CTDNEP1: variants seen among roughly 807,000 people sequenced by gnomAD.
The protein encoded by CTDNEP1 is C-terminal domain nuclear envelope phosphatase 1.
A neutral mutation model predicts 30.1 loss-of-function variants in CTDNEP1; 3 were observed. The ratio of observed to expected loss-of-function variants is 0.10; its 90% CI spans 0.05 to 0.26. CTDNEP1 has a LOEUF of 0.26. CTDNEP1 is among the 10% of genes least tolerant of loss of function. The pLI, the probability that CTDNEP1 is intolerant of heterozygous loss-of-function variation, is 1.00. For missense variants in CTDNEP1, 158 were observed against 310.4 expected (o/e 0.51, Z 3.69); for synonymous variants, 123 against 118.8 (o/e 1.04, Z -0.23).
chr17:7,244,206 A>G lies in CTDNEP1; in HGVS notation c.714T>C (p.Leu238=). The change falls in exon 8 of 8, where the codon CTT becomes CTC. Residue 238 remains leucine, a synonymous_variant. Transcript: ENST00000574322. ...ADVRSVLSRN[L]HQHRLW is the part of the protein sequence containing the mutation. ...GCTGTCACCAGAGCCGATGTTGGTG[A>G]AGGTTTCGGCTCAGCACGGAACGAA... 1 of 1,614,032 alleles carries G rather than the reference A, an allele frequency of 6.2e-7. No individual in the cohort carries two copies.
chr17:7,250,044 C>CTCCTAA, intron 1 of CTDNEP1, among the ~76,000 whole-genome samples: 1 of 152,074 alleles, frequency 6.6e-6, no homozygotes, highest in East Asian at 1.9e-4. Context: ...CTGTACTGTT[C>CTCCTAA]GCGCCCTAAA....
At chr17:7,251,138 A>G in intron 1 of CTDNEP1, 57 bp downstream of exon 1, 11 of 1,282,552 alleles carry the variant, frequency 8.6e-6, no homozygotes, top group East Asian at 2.7e-5. Flanking sequence ...CACCACGGAC[A>G]GATGTCCCCA....
Position 7,246,667 on chromosome 17 carries a change from G to A in CTDNEP1, c.360+124C>T. 2.6e-6 allele frequency: 2 copies of A among 780,414 alleles called. No homozygotes were observed. The highest frequency in any genetic ancestry group is 1.6e-5 in the South Asian group (1 of 61,140). The allele number at this position is 780,414 out of a possible 1,614,324, so 48.3% of individuals were successfully genotyped here. On this transcript the variant is annotated intron_variant, in intron 4 of 7. Coordinates refer to ENST00000574322, the MANE Select transcript of CTDNEP1 (RefSeq NM_001143775.2). The surrounding 1 kb of genome is among the most constrained non-coding windows in gnomAD (Gnocchi z 4.9). ...AAAGCCACTCCCCTACCATTACACA[G>A]CCTCCCCTCTAGAAAACTGCTCTAA...
chr17:7,244,382 C>A lies in CTDNEP1; in HGVS notation c.675-137G>T, dbSNP rs181566600. The A allele has an allele frequency of 5.0e-6, 6 of 1,207,006 alleles. No individual in the cohort carries two copies. The East Asian group carries it at 1.2e-4, about 25-fold the overall frequency. The allele number at this position is 1,207,006 out of a possible 1,614,324, so 74.8% of individuals were successfully genotyped here. On this transcript the variant is annotated intron_variant, in intron 7 of 7. Transcript: ENST00000574322. Reference sequence around the variant, plus strand: ...TGATTAGATAGGTTCAATTTGCCCACAGCCTACTAGCTAAAGTGATGAGCT... The same window carrying A: ...TGATTAGATAGGTTCAATTTGCCCAAAGCCTACTAGCTAAAGTGATGAGCT...
chr17:7,244,728 AAT>A, intron 6 of CTDNEP1, 93 bp from the exon 7 acceptor site: 7 of 946,552 alleles, frequency 7.4e-6, no homozygotes, highest in Non-Finnish European at 1.1e-5. Context: ...TATTGTTAAA[AAT>A]ATATGCCTCC....
In CTDNEP1 at chr17:7,251,642, G is replaced by A. The variant is rs1363677976; in HGVS notation, c.-346C>T. On this transcript the variant is annotated 5_prime_UTR_variant, in exon 1 of 8. Coordinates refer to ENST00000574322, the MANE Select transcript of CTDNEP1 (RefSeq NM_001143775.2). ...AGGATAATTGGGGGAGGGGGCAGTG[G>A]GGGAGGGGGCTAGGGAAAAGGGAGG... is the stretch of plus-strand genomic sequence containing the variant. 1.2e-5 allele frequency: 2 copies of A among 170,912 alleles called. No individual in the cohort carries two copies. Among genetic ancestry groups the A allele is most frequent in the Non-Finnish European group, 2.5e-5 (2 of 81,258 alleles). The allele number at this position is 170,912 out of a possible 1,614,324, so 10.6% of individuals were successfully genotyped here. A position where few individuals can be genotyped will look rare whatever the true frequency, so the allele number is the denominator to read the frequency against.
intron 6 of CTDNEP1, among the ~76,000 whole-genome samples, chr17:7,245,570 C>T (rs565050109): frequency 7.0e-4 from 106 of 152,062 alleles, no homozygotes; most frequent in African/African-American, 2.4e-3. Context: ...GCAATCTCGG[C>T]TCACTGCAAC....
Position 7,246,651 on chromosome 17 carries a change from C to T in CTDNEP1, c.360+140G>A. ...TGAACCCCAAGTACTGAAAGCCACT[C>T]CCCTACCATTACACAGCCTCCCCTC... On this transcript the variant is annotated intron_variant, in intron 4 of 7. Coordinates refer to ENST00000574322, the MANE Select transcript of CTDNEP1 (RefSeq NM_001143775.2). The surrounding 1 kb of genome is among the most constrained non-coding windows in gnomAD (Gnocchi z 4.9). 3 of 723,498 alleles carry T rather than the reference C, an allele frequency of 4.1e-6. No individual in the cohort carries two copies. Among genetic ancestry groups the T allele is most frequent in the Non-Finnish European group, 7.3e-6 (3 of 410,678 alleles). 44.8% of individuals were successfully genotyped at this position (723,498 alleles called of 1,614,324 possible). A position where few individuals can be genotyped will look rare whatever the true frequency, so the allele number is the denominator to read the frequency against.
chr17:7,250,306 CTGGTGG>C (rs1034112671), intron 1 of CTDNEP1, among the ~76,000 whole-genome samples: 9 of 152,206 alleles, frequency 5.9e-5, no homozygotes, highest in Non-Finnish European at 1.2e-4. Context: ...AGGATTCTCC[CTGGTGG>C]TGGTGAGACC....
intron 6 of CTDNEP1, among the ~76,000 whole-genome samples, chr17:7,245,656 G>A (rs1277498263): frequency 6.6e-6 from 1 of 151,388 alleles, no homozygotes; most frequent in Non-Finnish European, 1.5e-5. Context: ...GCGCCACCAC[G>A]CCTGGCTAGT....
At chr17:7,245,965 G>A (rs1040535948) in intron 6 of CTDNEP1, 61 bp downstream of exon 6, 1 of 1,171,728 alleles carries the variant, frequency 8.5e-7, no homozygotes, top group Non-Finnish European at 1.3e-6. Flanking sequence ...CAGGTCTCCT[G>A]CAAAAATACC....
At chr17:7,251,147 C>T in intron 1 of CTDNEP1, 48 bp downstream of exon 1, 1 of 1,392,928 alleles carries the variant, frequency 7.2e-7, no homozygotes, top group Non-Finnish European at 9.8e-7. Context: ...CAGATGTCCC[C>T]AACACCGCCA....
chr17:7,251,173 G>A (rs751035550), intron 1 of CTDNEP1, 22 bp downstream of exon 1: 2 of 1,562,958 alleles, frequency 1.3e-6, no homozygotes, highest in South Asian at 2.3e-5. Context: ...CCCCAACACC[G>A]CCAGCGCCCA....
rs1386722772 is a variant in CTDNEP1, at chr17:7,247,046, C to G, written c.288+18G>C. On this transcript the variant is annotated intron_variant, in intron 3 of 7. Transcript: ENST00000574322. ...AGGAACAGATGGAACCATTTCATCA[C>G]TCCCCACCACCACACACCTTGAGGA... The G allele has an allele frequency of 2.5e-6, 4 of 1,576,448 alleles. No individual in the cohort carries two copies. The highest frequency in any genetic ancestry group is 2.7e-5 in the African/African-American group (2 of 74,198).
Position 7,251,263 on chromosome 17 carries a change from T to C in CTDNEP1, c.34A>G (p.Thr12Ala), listed in dbSNP as rs3744399. The change falls in exon 1 of 8, where the codon ACG becomes GCG. Residue 12 changes from threonine (T) to alanine (A), a missense_variant. Physicochemically the swap from Thr to Ala is moderately conservative, Grantham distance 58 (BLOSUM62 0). This residue lies in a region of CTDNEP1 where 62 missense variants were observed against 81.4 expected (regional missense o/e 0.76). Coordinates refer to ENST00000574322, the MANE Select transcript of CTDNEP1 (RefSeq NM_001143775.2). ...MRTQCLLGLR[T>A]FVAFAAKLWS... ...AGCTTGGCGGCGAAGGCCACGAACG[T>C]GCGCAGCCCCAGCAGACACTGCGTC... The C allele has an allele frequency of 0.14, 226,944 of 1,598,988 alleles. 17,604 individuals are homozygous for C. The highest frequency in any genetic ancestry group is 0.21 in the Admixed American group (12,424 of 57,906).
At position 7,247,500 on chromosome 17, in the gene CTDNEP1, G is replaced by A. The variant is rs1172660046; in HGVS notation, c.103-157C>T. ...TTTTTTTTTTTTGAGATGGAGTCTC[G>A]CTCTGTTGCCCAGGCTGGAGTGCAG... On this transcript the variant is annotated intron_variant, in intron 1 of 7. Transcript: ENST00000574322. 4.2e-5 allele frequency among the ~76,000 whole-genome samples: 6 copies of A among 144,554 alleles called. No individual in the cohort carries two copies. In the South Asian group the frequency reaches 6.5e-4, roughly 16 times the overall value. The allele number at this position is 144,554 out of a possible 152,430, so 94.8% of individuals were successfully genotyped here. A position where few individuals can be genotyped will look rare whatever the true frequency, so the allele number is the denominator to read the frequency against.
intron 1 of CTDNEP1, among the ~76,000 whole-genome samples, chr17:7,248,476 C>T (rs2071873285): frequency 6.7e-6 from 1 of 150,044 alleles, no homozygotes; most frequent in African/African-American, 2.4e-5. Flanking sequence ...TCTCCTGCCT[C>T]AGCCTCCTAA....
intron 1 of CTDNEP1, among the ~76,000 whole-genome samples, chr17:7,249,956 A>G (rs910944584): frequency 5.9e-5 from 9 of 152,002 alleles, no homozygotes; most frequent in Admixed American, 3.3e-4. Context: ...ATATCCCAGC[A>G]TCTCTGACCC....
chr17:7,250,433 C>G (rs867030779), intron 1 of CTDNEP1, among the ~76,000 whole-genome samples: 3 of 152,166 alleles, frequency 2.0e-5, no homozygotes, highest in African/African-American at 7.2e-5. Flanking sequence ...CAGTTTCCCT[C>G]AGAATGCTAG....
Sources: allele counts gnomAD v4.1 joint callset (sites outside exome capture counted in the v4.1 genomes callset), GRCh38; gene constraint gnomAD v4.1.1; regional missense constraint gnomAD v4.1.1; non-coding constraint Gnocchi (gnomAD v3.1); transcripts MANE v1.5; gene names NCBI Gene and HGNC (gene_info 2026-07-23, HGNC 2026-07-21).